NCAPH: variants seen among roughly 807,000 people sequenced by gnomAD.
The protein encoded by NCAPH is non-SMC condensin I complex subunit H, also known as condensin complex subunit 2.
A neutral mutation model predicts 85.5 loss-of-function variants in NCAPH; 38 were observed. The observed-to-expected ratio is 0.44, with a 90% CI of 0.34 to 0.58. The LOEUF is 0.58. NCAPH is among the 20% of genes least tolerant of loss of function. The probability of loss-of-function intolerance (pLI) is 0.01; values close to 1 mark genes in which losing one functional copy is unlikely to be tolerated. For missense variants in NCAPH, 789 were observed against 916.6 expected, an observed-to-expected ratio of 0.86 and a Z score of 1.80; for synonymous variants, 301 against 335.1, an observed-to-expected ratio of 0.90 and a Z score of 1.11.
At position 96,343,183 on chromosome 2, in the gene NCAPH, G is replaced by A; in HGVS notation, c.474G>A (p.Leu158=). The change falls in exon 5 of 18, where the codon CTG becomes CTA. Residue 158 remains leucine, a synonymous_variant. Coordinates refer to ENST00000240423, the MANE Select transcript of NCAPH (RefSeq NM_015341.5). ...TTGACTAGGTGGCTGCGGGTACTCT[G>A]GATGCCAGCACCAAGATCTATGCTG... ...PTNFKVAAGT[L]DASTKIYAVR... is the part of the protein sequence containing the mutation. 6.2e-7 allele frequency: 1 copy of A among 1,614,112 alleles called. No homozygotes were observed.
At position 96,375,927 on chromosome 2, in the gene NCAPH, C is replaced by G. The variant is rs146007411; in HGVS notation, c.*2576C>G. On this transcript the variant is annotated 3_prime_UTR_variant, in exon 18 of 18. Coordinates refer to ENST00000240423, the MANE Select transcript of NCAPH (RefSeq NM_015341.5). ...GAATATTTGCCACCTCAGGGTGCCACAAAGGTCCCCACCAGCAAGAAGGCT... is the reference window on the plus strand; with the variant it reads ...GAATATTTGCCACCTCAGGGTGCCAGAAAGGTCCCCACCAGCAAGAAGGCT... 1.3e-5 allele frequency among the ~76,000 whole-genome samples: 2 copies of G among 152,252 alleles called. No individual in the cohort carries two copies. Among genetic ancestry groups the G allele is most frequent in the Admixed American group, 1.3e-4 (2 of 15,294 alleles).
chr2:96,369,128 C>T, intron 16 of NCAPH, 65 bp downstream of exon 16: 1 of 1,432,530 alleles, frequency 7.0e-7, no homozygotes, highest in Non-Finnish European at 9.6e-7. Flanking sequence ...GCGTGGCAGG[C>T]CTTCCACACA....
chr2:96,348,435 G>C (rs1456734257), intron 6 of NCAPH, among the ~76,000 whole-genome samples: 3 of 151,822 alleles, frequency 2.0e-5, no homozygotes, highest in African/African-American at 7.3e-5. Context: ...GTGATCCGCC[G>C]CCCGCCTCGG....
At chr2:96,343,351 C>A in intron 5 of NCAPH, 47 bp downstream of exon 5, 1 of 1,558,944 alleles carries the variant, frequency 6.4e-7, no homozygotes, top group South Asian at 1.2e-5. Context: ...TTAGGGCATA[C>A]CAGGTAGTTA....
At chr2:96,361,802 A>ATGTG (rs1392328225) in intron 12 of NCAPH, among the ~76,000 whole-genome samples, 1 of 101,360 alleles carries the variant, frequency 9.9e-6, no homozygotes, top group South Asian at 3.6e-4. Flanking sequence ...ATGTATATAT[A>ATGTG]TGTGTATATA....
intron 9 of NCAPH, among the ~76,000 whole-genome samples, chr2:96,357,401 G>C (rs1468458818): frequency 6.6e-6 from 1 of 152,160 alleles, no homozygotes; most frequent in Non-Finnish European, 1.5e-5. Context: ...ATTGGGACTG[G>C]TAGGATGCCT....
intron 6 of NCAPH, among the ~76,000 whole-genome samples, chr2:96,349,609 T>C (rs2064409365): frequency 3.9e-5 from 6 of 152,208 alleles, no homozygotes; most frequent in Admixed American, 3.9e-4. Context: ...CTCAAACTCC[T>C]GACCTCAAGT....
chr2:96,368,932 C>G (rs1420839623), intron 15 of NCAPH, 40 bp from the exon 16 acceptor site: 10 of 1,536,392 alleles, frequency 6.5e-6, no homozygotes, highest in Non-Finnish European at 8.8e-6. Context: ...CAAAAGTGCA[C>G]TAGCCCTAAC....
At chr2:96,370,329 G>T (rs567091657) in intron 17 of NCAPH, among the ~76,000 whole-genome samples, 31 of 152,376 alleles carry the variant, frequency 2.0e-4, no homozygotes, top group African/African-American at 6.0e-4. Context: ...CCAGGAGGAG[G>T]GGGTGGGCAC....
intron 3 of NCAPH, among the ~76,000 whole-genome samples, chr2:96,342,502 C>G (rs775797380): frequency 7.2e-5 from 11 of 152,076 alleles, no homozygotes; most frequent in Non-Finnish European, 1.6e-4. Flanking sequence ...AGGGTGAGTC[C>G]CTTTGTGTGC....
chr2:96,351,208 C>T (rs926809352), intron 6 of NCAPH, among the ~76,000 whole-genome samples: 7 of 152,174 alleles, frequency 4.6e-5, no homozygotes, highest in African/African-American at 1.7e-4. Context: ...TTGTTAGTGA[C>T]TTATAGAAGG....
intron 7 of NCAPH, among the ~76,000 whole-genome samples, chr2:96,352,748 C>G (rs1330634384): frequency 4.6e-5 from 7 of 152,164 alleles, no homozygotes; most frequent in Admixed American, 4.6e-4. Flanking sequence ...ATTAATACTT[C>G]CCCTCCAGGC....
chr2:96,354,052 A>G (rs1573078850), intron 8 of NCAPH, 131 bp from the exon 9 acceptor site: 1 of 863,522 alleles, frequency 1.2e-6, no homozygotes, highest in Non-Finnish European at 1.9e-6. Context: ...AGGGGATGGG[A>G]AAGGGAAGGG....
At chr2:96,346,781 G>A (rs971611353) in intron 6 of NCAPH, among the ~76,000 whole-genome samples, 1 of 151,886 alleles carries the variant, frequency 6.6e-6, no homozygotes, top group African/African-American at 2.4e-5. Flanking sequence ...ACTCAGAGCA[G>A]GCAAGGGAGC....
At chr2:96,362,685 A>G (rs1449251127) in intron 12 of NCAPH, among the ~76,000 whole-genome samples, 1 of 152,204 alleles carries the variant, frequency 6.6e-6, no homozygotes, top group Non-Finnish European at 1.5e-5. Context: ...GATGTGGTAG[A>G]AATAGCAAGA....
In NCAPH at chr2:96,375,452, T is replaced by C. The variant is rs534780501; in HGVS notation, c.*2101T>C. Among the ~76,000 whole-genome samples the C allele has an allele frequency of 4.8e-4, 73 of 152,290 alleles. No homozygotes were observed. Among genetic ancestry groups the C allele is most frequent in the African/African-American group, 1.6e-3 (67 of 41,562 alleles). Reference sequence around the variant, plus strand: ...GATTAGTGCTCTTATAAAAGAGGCCTGAGGAAGCTTGTTCGTTCCTCTTGC... The same window carrying C: ...GATTAGTGCTCTTATAAAAGAGGCCCGAGGAAGCTTGTTCGTTCCTCTTGC... On this transcript the variant is annotated 3_prime_UTR_variant, in exon 18 of 18. Transcript: ENST00000240423.
intron 14 of NCAPH, 147 bp from the exon 15 acceptor site, chr2:96,367,110 A>G: frequency 1.8e-6 from 1 of 546,878 alleles, no homozygotes; most frequent in East Asian, 3.4e-5. Context: ...ACAAACAAAC[A>G]AACAAACAAA....
chr2:96,341,870 G>A lies in NCAPH; in HGVS notation c.248G>A (p.Arg83His), dbSNP rs759878969. The change falls in exon 2 of 18, where the codon CGC (arginine) becomes CAC (histidine). Residue 83 changes from arginine to histidine, a missense_variant. Transcript: ENST00000240423. ...FDLQFSTDSPRLLASPSSRSI... is the reference protein window; with the variant it reads ...FDLQFSTDSPHLLASPSSRSI... ...CTGCAGTTCAGCACTGACTCACCTC[G>A]CTTATTGGCCTCCCCCTCCAGCAGG... is the stretch of plus-strand genomic sequence containing the variant. 19 of 1,610,682 alleles carry A rather than the reference G, an allele frequency of 1.2e-5. No homozygotes were observed. The highest frequency in any genetic ancestry group is 3.3e-5 in the Admixed American group (2 of 59,970).
At chr2:96,359,686 T>C (rs1226812810) in intron 10 of NCAPH, among the ~76,000 whole-genome samples, 1 of 152,234 alleles carries the variant, frequency 6.6e-6, no homozygotes, top group South Asian at 2.1e-4. Context: ...AGTGCAGTGG[T>C]GAATCATGGC....
Sources: gnomAD v4.1 joint callset for allele counts (sites outside exome capture counted in the v4.1 genomes callset) on GRCh38, gnomAD v4.1.1 for gene constraint, MANE v1.5 for transcripts, NCBI Gene and HGNC (gene_info 2026-07-23, HGNC 2026-07-21) for gene names.